The following RYR3 variants were observed in gnomAD, a reference collection of about 807,000 sequenced individuals.
The protein encoded by RYR3 is brain ryanodine receptor-calcium release channel.
RYR3 carries 207 observed loss-of-function variants against 584.3 expected under a neutral mutation model. That is an observed-to-expected ratio of 0.35 (90% CI 0.32 to 0.40). The LOEUF is 0.40. Ranked by LOEUF, RYR3 falls within the 10% of genes least tolerant of loss-of-function variation. The pLI, the probability that RYR3 is intolerant of heterozygous loss-of-function variation, is 1.00. For missense variants in RYR3, 5,616 were observed against 6,089.2 expected, an observed-to-expected ratio of 0.92 and a Z score of 2.59; for synonymous variants, 2,416 against 2,248.5, an observed-to-expected ratio of 1.07 and a Z score of -2.11.
At chr15:33,578,313 T>C (rs2058404765) in intron 12 of RYR3, among the ~76,000 whole-genome samples, 1 of 152,168 alleles carries the variant, frequency 6.6e-6, no homozygotes, top group South Asian at 2.1e-4. Flanking sequence ...TACACATATG[T>C]TCGCTGAAGC....
chr15:33,581,461 C>T (rs2058589032), intron 13 of RYR3, 47 bp from the exon 14 acceptor site: 1 of 1,596,160 alleles, frequency 6.3e-7, no homozygotes, highest in South Asian at 1.1e-5. Flanking sequence ...AGGGACTGTG[C>T]TTTCTTAATC....
intron 1 of RYR3, among the ~76,000 whole-genome samples, chr15:33,337,595 T>C (rs1474455094): frequency 6.6e-6 from 1 of 152,056 alleles, no homozygotes; most frequent in Non-Finnish European, 1.5e-5. Context: ...CTTTTGAACA[T>C]AGATGCTAAA....
intron 38 of RYR3, among the ~76,000 whole-genome samples, chr15:33,684,157 C>G (rs1012903788): frequency 2.0e-5 from 3 of 152,246 alleles, no homozygotes; most frequent in African/African-American, 4.8e-5. Flanking sequence ...AGTGTTTGAG[C>G]TCTGAGAATG....
intron 43 of RYR3, among the ~76,000 whole-genome samples, chr15:33,711,160 C>A (rs1171279809): frequency 6.6e-6 from 1 of 151,770 alleles, no homozygotes; most frequent in Non-Finnish European, 1.5e-5. Flanking sequence ...AAATAAATTT[C>A]CAACTTTAAG....
chr15:33,778,605 C>T (rs1596544612), intron 64 of RYR3, among the ~76,000 whole-genome samples: 1 of 152,222 alleles, frequency 6.6e-6, no homozygotes, highest in Non-Finnish European at 1.5e-5. Context: ...GGGAATAGGC[C>T]TGGCCTGGGG....
chr15:33,700,840 A>T (rs1192186261), intron 41 of RYR3, 137 bp from the exon 42 acceptor site: 3 of 574,836 alleles, frequency 5.2e-6, no homozygotes, highest in African/African-American at 1.8e-5. Context: ...GGACTGTCCC[A>T]TTGGAGAACG....
At chr15:33,435,948 CATTTTACAGAGTTCTGATTCGTCA>C (rs1442271261) in intron 1 of RYR3, among the ~76,000 whole-genome samples, 2 of 152,144 alleles carry the variant, frequency 1.3e-5, no homozygotes, top group Non-Finnish European at 2.9e-5. Flanking sequence ...CTGATTGGTC[CATTTTACAGAGTTCTGATTCGTCA>C]ATTTTACAGA....
intron 94 of RYR3, chr15:33,852,515 A>T (rs946485376): frequency 6.4e-6 from 1 of 155,848 alleles, no homozygotes; most frequent in African/African-American, 2.4e-5. Context: ...AATAGAGTGG[A>T]AAAACACTCA....
chr15:33,347,188 AG>A (rs945072421), intron 1 of RYR3, among the ~76,000 whole-genome samples: 59 of 152,246 alleles, frequency 3.9e-4, no homozygotes, highest in African/African-American at 1.3e-3. Context: ...TCCCCTTCAG[AG>A]GGAAGTCACC....
chr15:33,544,638 C>T (rs1044778743), intron 8 of RYR3, among the ~76,000 whole-genome samples: 35 of 152,234 alleles, frequency 2.3e-4, no homozygotes, highest in African/African-American at 7.7e-4. Context: ...CAAGGACCCC[C>T]GCAGAAGCAA....
intron 3 of RYR3, among the ~76,000 whole-genome samples, chr15:33,524,554 G>C (rs2054255281): frequency 6.6e-6 from 1 of 152,148 alleles, no homozygotes; most frequent in Non-Finnish European, 1.5e-5. Context: ...TACAGAAAAG[G>C]TTATGGACTT....
chr15:33,530,492 T>A (rs2054774582), intron 3 of RYR3, 100 bp from the exon 4 acceptor site: 1 of 804,354 alleles, frequency 1.2e-6, no homozygotes. Flanking sequence ...TTGCAATGGG[T>A]CTTTTCCTGG....
At chr15:33,725,434 G>A (rs898071737) in intron 45 of RYR3, among the ~76,000 whole-genome samples, 6 of 152,062 alleles carry the variant, frequency 3.9e-5, no homozygotes, top group African/African-American at 1.5e-4. Context: ...CCAGCTGAAC[G>A]CCTACTACAC....
chr15:33,810,375 C>A, intron 70 of RYR3, 104 bp from the exon 71 acceptor site: 1 of 1,151,834 alleles, frequency 8.7e-7, no homozygotes, highest in Admixed American at 2.1e-5. Context: ...AAGGCCCACC[C>A]TATACTGACA....
intron 2 of RYR3, among the ~76,000 whole-genome samples, chr15:33,492,630 T>G (rs1004934551): frequency 6.6e-6 from 1 of 152,212 alleles, no homozygotes; most frequent in Non-Finnish European, 1.5e-5. Context: ...TTGTGTTCAC[T>G]TCCCATCCTG....
At chr15:33,535,014 T>G (rs1270125024) in intron 5 of RYR3, among the ~76,000 whole-genome samples, 1 of 152,194 alleles carries the variant, frequency 6.6e-6, no homozygotes, top group East Asian at 1.9e-4. Flanking sequence ...CTTCACTAAA[T>G]CTGGAGCCTC....
At chr15:33,519,241 A>G (rs760148946) in intron 3 of RYR3, among the ~76,000 whole-genome samples, 3 of 152,176 alleles carry the variant, frequency 2.0e-5, no homozygotes, top group South Asian at 4.1e-4. Flanking sequence ...AAGCTTATCT[A>G]CAGTCTTCAC....
intron 67 of RYR3, among the ~76,000 whole-genome samples, chr15:33,791,536 G>A (rs1429258464): frequency 6.6e-6 from 1 of 152,208 alleles, no homozygotes; most frequent in East Asian, 1.9e-4. Flanking sequence ...GAGAAGGTAT[G>A]AGGGGTGGTT....
rs184955298 is a variant in RYR3, at chr15:33,502,711, A to C, written c.172-920A>C. On this transcript the variant is annotated intron_variant, in intron 2 of 103. Transcript: ENST00000634891. Reference sequence around the variant, plus strand: ...GAAGAAAAACTTTAATATTTTTCTTAGTGGCAGGAACAGTGTAGGGTTAAG... The same window carrying C: ...GAAGAAAAACTTTAATATTTTTCTTCGTGGCAGGAACAGTGTAGGGTTAAG... Among the ~76,000 whole-genome samples the C allele has an allele frequency of 2.0e-4, 30 of 152,328 alleles. 1 individual carries two copies. The highest frequency in any genetic ancestry group is 3.3e-4 in the Admixed American group (5 of 15,300).
Sources: allele counts gnomAD v4.1 joint callset (sites outside exome capture counted in the v4.1 genomes callset), GRCh38; gene constraint gnomAD v4.1.1; transcripts MANE v1.5; gene names NCBI Gene and HGNC (gene_info 2026-07-23, HGNC 2026-07-21).